The following STRA6 variants were observed in gnomAD, a reference collection of about 807,000 sequenced individuals.
STRA6 encodes the protein signaling receptor and transporter of retinol STRA6.
Under a neutral mutation model 83.6 loss-of-function variants are expected in STRA6, and 48 were observed. The ratio of observed to expected loss-of-function variants is 0.57; its 90% CI spans 0.46 to 0.73. STRA6 has a LOEUF of 0.73. STRA6 is among the 30% of genes least tolerant of loss of function. STRA6 has a pLI of 0.00. For missense variants in STRA6, 760 were observed against 838.8 expected, an observed-to-expected ratio of 0.91 and a Z score of 1.16; for synonymous variants, 353 against 362.3, an observed-to-expected ratio of 0.97 and a Z score of 0.29.
intron 1 of STRA6, 177 bp from the exon 2 acceptor site, chr15:74,202,459 G>A: frequency 1.3e-6 from 2 of 1,536,156 alleles, no homozygotes; most frequent in Non-Finnish European, 1.7e-6. Flanking sequence ...CTGAGGGCCT[G>A]AGCAAGCTGG....
In STRA6 at chr15:74,195,371, G is replaced by GC. The variant is rs606231127; in HGVS notation, c.527dup (p.Ser177GlnfsTer58). The GC allele has an allele frequency of 2.5e-6, 4 of 1,613,564 alleles. No individual in the cohort carries two copies. The Admixed American group carries it at 5.0e-5, about 20-fold the overall frequency. ...CAAGGTGGGCCCAGGACAGCGTGCT[G>GC]CCGAGCAGGTGTGCAGCTGTGTGGC... On this transcript the variant is annotated frameshift_variant, in exon 7 of 19. Transcript: ENST00000395105. LOFTEE classifies it high-confidence loss of function.
chr15:74,189,370 C>T, intron 11 of STRA6, 93 bp from the exon 12 acceptor site: 1 of 1,516,670 alleles, frequency 6.6e-7, no homozygotes, highest in Non-Finnish European at 8.9e-7. Context: ...AGCACACAGG[C>T]CCCAGCCACA....
At chr15:74,201,236 G>A (rs974358116) in intron 2 of STRA6, among the ~76,000 whole-genome samples, 11 of 152,216 alleles carry the variant, frequency 7.2e-5, no homozygotes, top group Non-Finnish European at 1.3e-4. Context: ...GGGGAGGCAC[G>A]CAAGGATTTT....
At chr15:74,206,061 T>A (rs1332522489), upstream of STRA6, among the ~76,000 whole-genome samples, 4 of 152,228 alleles carry the variant, frequency 2.6e-5, no homozygotes, top group African/African-American at 9.6e-5. Context: ...TCTGTGGGTC[T>A]CACTGTCCTC....
intron 4 of STRA6, chr15:74,196,428 T>A (rs1269954358): frequency 4.2e-6 from 2 of 479,598 alleles, no homozygotes; most frequent in African/African-American, 3.9e-5. Context: ...AGCAGCCACC[T>A]CCACACTAAT....
upstream of STRA6, among the ~76,000 whole-genome samples, chr15:74,204,355 C>G (rs1334785385): frequency 6.6e-6 from 1 of 152,222 alleles, no homozygotes; most frequent in Non-Finnish European, 1.5e-5. Context: ...CTTGGCAAAG[C>G]CATTGCTTGT....
chr15:74,200,084 G>A (rs1277094172), intron 2 of STRA6, among the ~76,000 whole-genome samples: 1 of 152,218 alleles, frequency 6.6e-6, no homozygotes, highest in Non-Finnish European at 1.5e-5. Flanking sequence ...GCTGGGCGTG[G>A]TGGCACGCAC....
exon 1 of STRA6, chr15:74,208,994 AGTGTCC>A: frequency 9.8e-7 from 1 of 1,023,472 alleles, no homozygotes; most frequent in Non-Finnish European, 1.2e-6. Context: ...GGCCCTGAGA[AGTGTCC>A]CCAGCACCTG....
Position 74,180,952 on chromosome 15 carries a change from C to A in STRA6, c.1685-15G>T, listed in dbSNP as rs151148422. ...CGTGTAGTAGCCTGGGGTGGGGTGGCGGATGGCAATGCTGGGGGAGCAGGG... is the reference window on the plus strand; with the variant it reads ...CGTGTAGTAGCCTGGGGTGGGGTGGAGGATGGCAATGCTGGGGGAGCAGGG... On this transcript the variant is annotated splice_polypyrimidine_tract_variant and intron_variant, in intron 17 of 18. Transcript: ENST00000395105. 23 of 1,613,140 alleles carry A rather than the reference C, an allele frequency of 1.4e-5. No homozygotes were observed. In the South Asian group the frequency reaches 2.4e-4, roughly 17 times the overall value.
rs1377149675 is a variant in STRA6 at position 74,189,827 on chromosome 15, C to T, written c.928-550G>A. On this transcript the variant is annotated intron_variant, in intron 11 of 18. Coordinates refer to ENST00000395105, the MANE Select transcript of STRA6 (RefSeq NM_022369.4). The stretch of plus-strand genomic sequence containing the variant: ...TACAGGCCCGCGCCACCACCGCCAG[C>T]TAATTTTTATATTTTTAGTAGAGAC... 6.6e-5 allele frequency among the ~76,000 whole-genome samples: 10 copies of T among 151,958 alleles called. No homozygotes were observed. The East Asian group carries it at 1.9e-3, about 29-fold the overall frequency.
upstream of STRA6, among the ~76,000 whole-genome samples, chr15:74,211,863 TCTC>T (rs935031251): frequency 7.2e-5 from 11 of 151,970 alleles, no homozygotes; most frequent in Non-Finnish European, 1.6e-4. Context: ...TCCTTCTGTC[TCTC>T]CTCCTCCTTC....
intron 2 of STRA6, among the ~76,000 whole-genome samples, chr15:74,201,365 G>C (rs1595863339): frequency 6.6e-6 from 1 of 152,300 alleles, no homozygotes; most frequent in Admixed American, 6.5e-5. Flanking sequence ...ATAAGGGATG[G>C]GGCCAGGCCT....
intron 12 of STRA6, 98 bp downstream of exon 12, chr15:74,189,017 G>T: frequency 1.4e-6 from 2 of 1,437,614 alleles, no homozygotes; most frequent in East Asian, 2.4e-5. Flanking sequence ...ATGTGTCCAA[G>T]GGCCCCCAGT....
chr15:74,191,456 C>A lies in STRA6; in HGVS notation c.756G>T (p.Arg252Ser). 1 of 1,614,190 alleles carries A rather than the reference C, an allele frequency of 6.2e-7. No individual in the cohort carries two copies. The highest frequency in any genetic ancestry group is 8.5e-7 in the Non-Finnish European group (1 of 1,180,022). Residue 252 changes from arginine (R) to serine (S), a missense_variant, in exon 9 of 19, where the codon AGG becomes AGT. Transcript: ENST00000395105. ...CCAGCTTCTTCCTGCAAAGGAGGTT[C>A]CTCAGATATTCCTCAGAGTAGCTGC... ...LQSSYSEEYL[R>S]NLLCRKKLGS... is the part of the protein sequence containing the mutation.
intron 8 of STRA6, among the ~76,000 whole-genome samples, chr15:74,192,520 G>C (rs1394804916): frequency 6.6e-6 from 1 of 152,156 alleles, no homozygotes; most frequent in Non-Finnish European, 1.5e-5. Flanking sequence ...GATTCAGTCT[G>C]ACCTTGCCGA....
intron 7 of STRA6, 106 bp from the exon 8 acceptor site, chr15:74,194,028 G>A (rs1162954200): frequency 1.9e-6 from 3 of 1,542,736 alleles, no homozygotes; most frequent in Non-Finnish European, 2.7e-6. Context: ...AGGGTGGTCT[G>A]GGGGGCCATG....
rs1262114207 is a variant in STRA6, at chr15:74,189,026, G to T, written c.1090+89C>A. The T allele has an allele frequency of 4.0e-6, 6 of 1,502,478 alleles. No individual in the cohort carries two copies. The East Asian group carries it at 9.4e-5, about 23-fold the overall frequency. The allele number at this position is 1,502,478 out of a possible 1,614,324, so 93.1% of individuals were successfully genotyped here. On this transcript the variant is annotated intron_variant, in intron 12 of 18. Coordinates refer to ENST00000395105, the MANE Select transcript of STRA6 (RefSeq NM_022369.4). Reference sequence around the variant, plus strand: ...GAAGGAATGTGTCCAAGGGCCCCCAGTGTGTCCATGGCTGACTAGGGCATA... The same window carrying T: ...GAAGGAATGTGTCCAAGGGCCCCCATTGTGTCCATGGCTGACTAGGGCATA...
chr15:74,194,950 A>G (rs766195957), intron 7 of STRA6: 396 of 1,425,316 alleles, frequency 2.8e-4, no homozygotes, highest in Non-Finnish European at 3.2e-4. Flanking sequence ...ATCAAGCTTC[A>G]CTCCCATTCC....
At chr15:74,209,235 C>G, upstream of STRA6, 2 of 1,130,546 alleles carry the variant, frequency 1.8e-6, no homozygotes, top group Non-Finnish European at 2.5e-6. Context: ...ACCCCCAAAC[C>G]GTTTGCTCGA....
Sources: allele counts gnomAD v4.1 joint callset (sites outside exome capture counted in the v4.1 genomes callset), GRCh38; gene constraint gnomAD v4.1.1; transcripts MANE v1.5; gene names NCBI Gene and HGNC (gene_info 2026-07-23, HGNC 2026-07-21).